Variants in KDM4C observed in about 807,000 individuals in gnomAD.
The protein encoded by KDM4C is lysine-specific demethylase 4C.
A neutral mutation model predicts 129.3 loss-of-function variants in KDM4C; 81 were observed. The ratio of observed to expected loss-of-function variants is 0.63; its 90% CI spans 0.52 to 0.75. The LOEUF is 0.75. Among genes scored for constraint, KDM4C ranks in the 30% least tolerant of loss-of-function variants. KDM4C has a pLI of 0.00. For synonymous variants in KDM4C, 573 were observed against 456.1 expected, an observed-to-expected ratio of 1.26 and a Z score of -3.26; for missense variants, 1,457 against 1,304.0, an observed-to-expected ratio of 1.12 and a Z score of -1.81.
intron 1 of KDM4C, among the ~76,000 whole-genome samples, chr9:6,764,717 A>G (rs942089249): frequency 1.3e-5 from 2 of 152,292 alleles, no homozygotes; most frequent in East Asian, 3.9e-4. Flanking sequence ...CTGGGTTTAT[A>G]TTGTATATTA....
intron 19 of KDM4C, among the ~76,000 whole-genome samples, chr9:7,165,028 G>T (rs1031613814): frequency 6.6e-6 from 1 of 151,420 alleles, no homozygotes; most frequent in Admixed American, 6.6e-5. Context: ...TTGGATTATG[G>T]TGGCTCCTTT....
rs548364395 is a variant in KDM4C, at chr9:6,801,342, T to C, written c.145-4257T>C. On this transcript the variant is annotated intron_variant, in intron 2 of 21. Transcript: ENST00000381309. ...ATCTTGGCTCACTGCAAGCTCTGCC[T>C]CCTGCCTCAGCCTCCAGAGTAGCTG... Among the ~76,000 whole-genome samples the C allele has an allele frequency of 8.8e-5, 12 of 135,714 alleles. No homozygotes were observed. In the South Asian group the frequency reaches 2.6e-3, roughly 29 times the overall value. 89.0% of individuals were successfully genotyped at this position (135,714 alleles called of 152,430 possible). A position where few individuals can be genotyped will look rare whatever the true frequency, so the allele number is the denominator to read the frequency against.
chr9:7,151,971 C>T (rs763630020), intron 19 of KDM4C, among the ~76,000 whole-genome samples: 2 of 152,192 alleles, frequency 1.3e-5, no homozygotes, highest in Non-Finnish European at 2.9e-5. Flanking sequence ...GTTTAGGCTG[C>T]GAGATAACCT....
chr9:6,816,472 A>C (rs1832110140), intron 4 of KDM4C, among the ~76,000 whole-genome samples: 1 of 152,234 alleles, frequency 6.6e-6, no homozygotes, highest in African/African-American at 2.4e-5. Context: ...TTTGTTTAAC[A>C]GTACAGCTCA....
intron 15 of KDM4C, among the ~76,000 whole-genome samples, chr9:7,031,502 C>G (rs557649496): frequency 8.0e-4 from 121 of 152,180 alleles, no homozygotes; most frequent in African/African-American, 2.9e-3. Context: ...TATAAGCAAA[C>G]TATATCTTGA....
intron 2 of KDM4C, among the ~76,000 whole-genome samples, chr9:6,799,003 G>T (rs1197722939): frequency 9.3e-5 from 11 of 118,504 alleles, no homozygotes; most frequent in African/African-American, 2.2e-4. Flanking sequence ...TTCCTAGATG[G>T]GATGGCGGCC....
chr9:6,735,302 A>G (rs544995338), intron 1 of KDM4C, among the ~76,000 whole-genome samples: 3 of 152,320 alleles, frequency 2.0e-5, no homozygotes, highest in South Asian at 2.1e-4. Flanking sequence ...ATCTTTGCCA[A>G]TCTTAGTATT....
At chr9:6,877,550 G>A (rs1238567106) in intron 5 of KDM4C, among the ~76,000 whole-genome samples, 1 of 152,144 alleles carries the variant, frequency 6.6e-6, no homozygotes, top group African/African-American at 2.4e-5. Flanking sequence ...TGTATTTAGA[G>A]AACAGAATTG....
chr9:7,107,140 C>T (rs112008633), intron 18 of KDM4C, among the ~76,000 whole-genome samples: 2,102 of 152,230 alleles, frequency 0.014, 49 homozygotes, highest in African/African-American at 0.047. Context: ...GCTCATCTGT[C>T]GGTGTGTGTA....
intron 15 of KDM4C, among the ~76,000 whole-genome samples, chr9:7,023,543 G>T (rs1825256070): frequency 6.6e-6 from 1 of 151,586 alleles, no homozygotes; most frequent in Admixed American, 6.6e-5. Context: ...TTCTTACTCT[G>T]GGTAGAGGTT....
At chr9:6,768,568 T>C (rs1315818192) in intron 1 of KDM4C, among the ~76,000 whole-genome samples, 3 of 152,190 alleles carry the variant, frequency 2.0e-5, no homozygotes, top group African/African-American at 7.2e-5. Flanking sequence ...TTTTAGATTC[T>C]TCATATTTCA....
At chr9:6,996,080 G>T (rs1819688572) in intron 12 of KDM4C, among the ~76,000 whole-genome samples, 1 of 152,212 alleles carries the variant, frequency 6.6e-6, no homozygotes, top group Non-Finnish European at 1.5e-5. Context: ...CACCTGAATA[G>T]TGTACATTGT....
At chr9:7,117,506 T>C (rs1839033740) in intron 18 of KDM4C, among the ~76,000 whole-genome samples, 1 of 152,114 alleles carries the variant, frequency 6.6e-6, no homozygotes, top group Non-Finnish European at 1.5e-5. Flanking sequence ...GCTTTCCTTC[T>C]CATTTTATTC....
intron 8 of KDM4C, among the ~76,000 whole-genome samples, chr9:6,915,118 T>C (rs1383483482): frequency 1.3e-5 from 2 of 152,236 alleles, no homozygotes; most frequent in African/African-American, 2.4e-5. Context: ...GGTGCTTTTT[T>C]AGTTTGGAAA....
At chr9:6,746,488 G>A (rs201563982) in intron 1 of KDM4C, among the ~76,000 whole-genome samples, 8 of 140,050 alleles carry the variant, frequency 5.7e-5, no homozygotes, top group African/African-American at 2.1e-4. Context: ...AGGATGGTCT[G>A]GATCTCCTGA....
At chr9:7,136,276 A>C (rs558018118) in intron 19 of KDM4C, among the ~76,000 whole-genome samples, 39 of 152,214 alleles carry the variant, frequency 2.6e-4, no homozygotes, top group Non-Finnish European at 4.0e-4. Context: ...TATTATAAAT[A>C]ATTCTGCCGT....
intron 8 of KDM4C, among the ~76,000 whole-genome samples, chr9:6,934,080 T>C (rs1824257827): frequency 1.3e-5 from 2 of 151,974 alleles, no homozygotes; most frequent in African/African-American, 4.8e-5. Context: ...CTTGAACTCC[T>C]GATCTCAAGT....
chr9:7,081,604 A>G (rs534135271), intron 17 of KDM4C, among the ~76,000 whole-genome samples: 4 of 152,342 alleles, frequency 2.6e-5, no homozygotes, highest in African/African-American at 7.2e-5. Context: ...GATGTTGGCA[A>G]TCATAAATGC....
intron 5 of KDM4C, among the ~76,000 whole-genome samples, chr9:6,860,317 C>T (rs112228474): frequency 0.019 from 2,914 of 152,160 alleles, 37 homozygotes; most frequent in Middle Eastern, 0.031. Flanking sequence ...GAAAGAAAAC[C>T]CCACATTTGA....
Sources: allele counts gnomAD v4.1 joint callset (sites outside exome capture counted in the v4.1 genomes callset), GRCh38; gene constraint gnomAD v4.1.1; transcripts MANE v1.5; gene names NCBI Gene and HGNC (gene_info 2026-07-23, HGNC 2026-07-21).